LMAN1: variants seen among roughly 807,000 people sequenced by gnomAD.
LMAN1 encodes the protein lectin, mannose binding 1, also known as protein ERGIC-53.
Under a neutral mutation model 67.8 loss-of-function variants are expected in LMAN1, and 32 were observed. The observed-to-expected ratio is 0.47, with a 90% confidence interval of 0.36 to 0.63. The LOEUF (loss-of-function observed/expected upper bound fraction) is 0.63. Ranked by LOEUF, LMAN1 falls within the 30% of genes least tolerant of loss-of-function variation. The pLI, the probability that LMAN1 is intolerant of heterozygous loss-of-function variation, is 0.00. For missense variants in LMAN1, 632 were observed against 628.2 expected (o/e 1.01, Z -0.06); for synonymous variants, 235 against 219.3 (o/e 1.07, Z -0.63).
Position 59,329,669 on chromosome 18 carries a change from C to T in LMAN1, c.*1424G>A, listed in dbSNP as rs2070735907. ...CACACACAGCACTCGTTTGGTATTG[C>T]TATAATACAGAGTTCTTCAGAAAGT... is the stretch of plus-strand genomic sequence containing the variant. On this transcript the variant is annotated 3_prime_UTR_variant, in exon 13 of 13. Coordinates refer to ENST00000251047, the MANE Select transcript of LMAN1 (RefSeq NM_005570.4). The T allele has an allele frequency of 6.6e-6, 1 of 152,026 alleles. No individual in the cohort carries two copies. The highest frequency in any genetic ancestry group is 1.5e-5 in the Non-Finnish European group (1 of 67,968). The allele number at this position is 152,026 out of a possible 1,614,324, so 9.4% of individuals were successfully genotyped here. A position where few individuals can be genotyped will look rare whatever the true frequency, so the allele number is the denominator to read the frequency against.
chr18:59,347,500 T>C lies in LMAN1; in HGVS notation c.822+13A>G, dbSNP rs145141095. On this transcript the variant is annotated intron_variant, in intron 7 of 12. Coordinates refer to ENST00000251047, the MANE Select transcript of LMAN1 (RefSeq NM_005570.4). ...TAAACTGATAAAGTTTTTGAAAATA[T>C]GTGTAAAATTACCGGCTCTTTTCCA... The C allele has an allele frequency of 2.5e-6, 4 of 1,598,976 alleles. No homozygotes were observed. In the African/African-American group the frequency reaches 4.0e-5, roughly 16 times the overall value.
At chr18:59,355,277 T>C in intron 3 of LMAN1, 36 bp downstream of exon 3, 1 of 1,441,844 alleles carries the variant, frequency 6.9e-7, no homozygotes, top group Non-Finnish European at 9.7e-7. Context: ...TTGATAGATG[T>C]ATTAAAGTGG....
Position 59,349,209 on chromosome 18 carries a change from C to T in LMAN1, c.667G>A (p.Asp223Asn). 1.9e-6 allele frequency: 3 copies of T among 1,613,444 alleles called. No individual in the cohort carries two copies. The South Asian group carries it at 3.3e-5, about 18-fold the overall frequency. ...TVMINNGFTPDKNDYEFCAKV... is the reference protein window; with the variant it reads ...TVMINNGFTPNKNDYEFCAKV... ...GCACAAAATTCATAATCATTTTTATCTGGTGTAAAGCCATTATTGATCATT... is the reference window on the plus strand; with the variant it reads ...GCACAAAATTCATAATCATTTTTATTTGGTGTAAAGCCATTATTGATCATT... The change falls in exon 6 of 13, where the codon GAT becomes AAT. Residue 223 changes from aspartate (D) to asparagine (N), a missense_variant. Physicochemically the swap from Asp to Asn is conservative, Grantham distance 23 (BLOSUM62 1). Coordinates refer to ENST00000251047, the MANE Select transcript of LMAN1 (RefSeq NM_005570.4).
chr18:59,358,004 T>C (rs1603396450), intron 1 of LMAN1, among the ~76,000 whole-genome samples: 1 of 142,026 alleles, frequency 7.0e-6, no homozygotes, highest in Non-Finnish European at 1.5e-5. Flanking sequence ...CACACAAAGA[T>C]AGAATTCAAA....
Position 59,327,907 on chromosome 18 carries a change from C to T in LMAN1, c.*3186G>A, listed in dbSNP as rs560718694. ...CATCAAATAATCAGGAAAAAAAAAA[C>T]TTGACAAAATGTTATCCAATTGAAA... On this transcript the variant is annotated 3_prime_UTR_variant, in exon 13 of 13. Transcript: ENST00000251047. 2.0e-5 allele frequency: 3 copies of T among 151,888 alleles called. No individual in the cohort carries two copies. The highest frequency in any genetic ancestry group is 2.9e-5 in the Non-Finnish European group (2 of 67,954). 9.4% of individuals were successfully genotyped at this position (151,888 alleles called of 1,614,324 possible). A position where few individuals can be genotyped will look rare whatever the true frequency, so the allele number is the denominator to read the frequency against.
intron 10 of LMAN1, among the ~76,000 whole-genome samples, chr18:59,335,124 A>T (rs570439514): frequency 5.5e-4 from 83 of 152,278 alleles, no homozygotes; most frequent in African/African-American, 1.9e-3. Flanking sequence ...CCCGTCACAT[A>T]AGAAAGAAAG....
chr18:59,333,030 G>A, intron 11 of LMAN1, 61 bp downstream of exon 11: 1 of 1,341,138 alleles, frequency 7.5e-7, no homozygotes, highest in Non-Finnish European at 1.1e-6. Flanking sequence ...ACTTGCAGTA[G>A]AGTATGAGTT....
Position 59,349,213 on chromosome 18 carries a change from T to C in LMAN1, c.663A>G (p.Thr221=), listed in dbSNP as rs368261071. The change falls in exon 6 of 13, where the codon ACA becomes ACG. Residue 221 remains threonine, a synonymous_variant. Transcript: ENST00000251047. ...TLTVMINNGF[T]PDKNDYEFCA... Reference sequence around the variant, plus strand: ...AAAATTCATAATCATTTTTATCTGGTGTAAAGCCATTATTGATCATTACCT... The same window carrying C: ...AAAATTCATAATCATTTTTATCTGGCGTAAAGCCATTATTGATCATTACCT... 10 of 1,613,366 alleles carry C rather than the reference T, an allele frequency of 6.2e-6. No individual in the cohort carries two copies. The highest frequency in any genetic ancestry group is 1.7e-5 in the Admixed American group (1 of 60,020).
chr18:59,351,859 G>C (rs1468448979), intron 5 of LMAN1, among the ~76,000 whole-genome samples: 1 of 152,012 alleles, frequency 6.6e-6, no homozygotes, highest in Non-Finnish European at 1.5e-5. Flanking sequence ...TAATTATAGT[G>C]GAATTCAAAC....
At position 59,330,974 on chromosome 18, in the gene LMAN1, AAC is replaced by A. The variant is rs2070743681; in HGVS notation, c.*117_*118del. The A allele has an allele frequency of 1.4e-6, 1 of 718,860 alleles. No homozygotes were observed. The highest frequency in any genetic ancestry group is 2.4e-6 in the Non-Finnish European group (1 of 414,748). The allele number at this position is 718,860 out of a possible 1,614,324, so 44.5% of individuals were successfully genotyped here. On this transcript the variant is annotated 3_prime_UTR_variant, in exon 13 of 13. Coordinates refer to ENST00000251047, the MANE Select transcript of LMAN1 (RefSeq NM_005570.4). The stretch of plus-strand genomic sequence containing the variant: ...ATTCTTAACTGCAAATCAATGTTTA[AAC>A]AGTTATTTTATTAAGAAAATTAATA...
intron 5 of LMAN1, among the ~76,000 whole-genome samples, chr18:59,352,202 CCT>C (rs897082495): frequency 2.0e-5 from 3 of 152,092 alleles, no homozygotes; most frequent in African/African-American, 7.2e-5. Flanking sequence ...CATTACCAAC[CCT>C]CTGATTTCCC....
At chr18:59,347,845 T>C (rs1908454249) in intron 6 of LMAN1, among the ~76,000 whole-genome samples, 1 of 152,212 alleles carries the variant, frequency 6.6e-6, no homozygotes. Flanking sequence ...AGATGTTTAA[T>C]CAATGTTTGA....
chr18:59,358,143 A>G (rs1908703969), intron 1 of LMAN1, among the ~76,000 whole-genome samples: 1 of 152,216 alleles, frequency 6.6e-6, no homozygotes, highest in Non-Finnish European at 1.5e-5. Context: ...GTGACACATC[A>G]GCACTAAAAA....
chr18:59,356,133 T>C (rs1338242874), intron 1 of LMAN1, among the ~76,000 whole-genome samples: 4 of 152,142 alleles, frequency 2.6e-5, no homozygotes, highest in Non-Finnish European at 4.4e-5. Flanking sequence ...TCACCATATG[T>C]TTACCTGTAA....
At chr18:59,338,994 CATATGTAGTTTTTGAA>C (rs1568113786) in intron 8 of LMAN1, 41 bp from the exon 9 acceptor site, 1 of 1,562,250 alleles carries the variant, frequency 6.4e-7, no homozygotes, top group South Asian at 1.1e-5. Flanking sequence ...GTCACCTACA[CATATGTAGTTTTTGAA>C]ATAACGTAAG....
chr18:59,341,292 G>C (rs1165966667), intron 8 of LMAN1, among the ~76,000 whole-genome samples: 2 of 151,998 alleles, frequency 1.3e-5, no homozygotes, highest in Non-Finnish European at 2.9e-5. Flanking sequence ...CACAACACTA[G>C]ATAGATCGAG....
At chr18:59,348,355 G>A (rs895406742) in intron 6 of LMAN1, among the ~76,000 whole-genome samples, 4 of 152,150 alleles carry the variant, frequency 2.6e-5, no homozygotes, top group Admixed American at 1.3e-4. Flanking sequence ...AAACTGTGTT[G>A]GGTAACAGGG....
intron 8 of LMAN1, among the ~76,000 whole-genome samples, chr18:59,339,973 C>G (rs1270699938): frequency 6.6e-6 from 1 of 152,186 alleles, no homozygotes; most frequent in African/African-American, 2.4e-5. Context: ...AGACAGGAAA[C>G]AGGCTCTCCT....
chr18:59,343,722 C>T (rs542008450), intron 8 of LMAN1, among the ~76,000 whole-genome samples: 1 of 152,150 alleles, frequency 6.6e-6, no homozygotes, highest in South Asian at 2.1e-4. Flanking sequence ...AGGAAAGACT[C>T]TTCTGCATAT....
Sources: allele counts gnomAD v4.1 joint callset (sites outside exome capture counted in the v4.1 genomes callset), GRCh38; gene constraint gnomAD v4.1.1; transcripts MANE v1.5; gene names NCBI Gene and HGNC (gene_info 2026-07-23, HGNC 2026-07-21).